RSPO2: variants seen among roughly 807,000 people sequenced by gnomAD.
The protein encoded by RSPO2 is R-spondin-2.
A neutral mutation model predicts 30.9 loss-of-function variants in RSPO2; 14 were observed. The observed-to-expected ratio is 0.45, with a 90% confidence interval of 0.30 to 0.71. The LOEUF is 0.71. Ranked by LOEUF, RSPO2 falls within the 30% of genes least tolerant of loss-of-function variation. RSPO2 has a pLI of 0.08. For synonymous variants in RSPO2, 107 were observed against 96.4 expected (o/e 1.11, Z -0.64); for missense variants, 264 against 301.9 (o/e 0.87, Z 0.93).
intron 5 of RSPO2, among the ~76,000 whole-genome samples, chr8:107,903,507 G>T (rs1376295564): frequency 6.6e-6 from 1 of 152,062 alleles, no homozygotes; most frequent in Admixed American, 6.6e-5. Flanking sequence ...AATATTAAAT[G>T]GTTTTGGGTT....
chr8:108,054,427 T>G (rs1812174672), intron 2 of RSPO2, among the ~76,000 whole-genome samples: 1 of 152,050 alleles, frequency 6.6e-6, no homozygotes, highest in Non-Finnish European at 1.5e-5. Context: ...AGTGAGAGAC[T>G]CTTCTACAGG....
chr8:107,994,518 G>A (rs1371142401), intron 2 of RSPO2, among the ~76,000 whole-genome samples: 1 of 151,718 alleles, frequency 6.6e-6, no homozygotes, highest in Non-Finnish European at 1.5e-5. Flanking sequence ...CATCTGATGG[G>A]GACAATCGTA....
intron 5 of RSPO2, among the ~76,000 whole-genome samples, chr8:107,943,145 A>C (rs1200923042): frequency 6.6e-6 from 1 of 152,252 alleles, no homozygotes; most frequent in Non-Finnish European, 1.5e-5. Context: ...CCCAACATTG[A>C]ACATTTCCTT....
intron 2 of RSPO2, among the ~76,000 whole-genome samples, chr8:107,993,286 G>A (rs543168200): frequency 6.6e-6 from 1 of 152,226 alleles, no homozygotes; most frequent in South Asian, 2.1e-4. Flanking sequence ...TACAAAAGAT[G>A]TAATATATGT....
chr8:108,037,114 C>T (rs1487155042), intron 2 of RSPO2, among the ~76,000 whole-genome samples: 1 of 152,080 alleles, frequency 6.6e-6, no homozygotes, highest in Admixed American at 6.5e-5. Flanking sequence ...AAATAAAAAA[C>T]TAGACGTGAT....
At chr8:107,982,480 A>AT (rs891117556) in intron 3 of RSPO2, among the ~76,000 whole-genome samples, 20 of 152,076 alleles carry the variant, frequency 1.3e-4, no homozygotes, top group African/African-American at 4.8e-4. Context: ...TTTCTTCATT[A>AT]TTTTTTGTCT....
chr8:108,034,711 C>T (rs1173645976), intron 2 of RSPO2, among the ~76,000 whole-genome samples: 1 of 152,120 alleles, frequency 6.6e-6, no homozygotes, highest in Non-Finnish European at 1.5e-5. Context: ...TGTGAGTCCA[C>T]AGTAGCATCA....
intron 2 of RSPO2, among the ~76,000 whole-genome samples, chr8:108,078,637 C>G (rs1317300460): frequency 1.3e-5 from 2 of 152,010 alleles, no homozygotes; most frequent in Non-Finnish European, 2.9e-5. Context: ...CCTCAGTTAC[C>G]AGAAACATGC....
chr8:108,004,210 G>A (rs1487254958), intron 2 of RSPO2, among the ~76,000 whole-genome samples: 1 of 152,194 alleles, frequency 6.6e-6, no homozygotes. Flanking sequence ...CTCTGGCAGA[G>A]GTTAAAGAGA....
chr8:108,077,385 C>T (rs1384654760), intron 2 of RSPO2, among the ~76,000 whole-genome samples: 8 of 152,040 alleles, frequency 5.3e-5, no homozygotes, highest in Admixed American at 3.9e-4. Context: ...ATAAGGGTGA[C>T]TGATCCAGAA....
chr8:108,028,062 G>A (rs1206252764), intron 2 of RSPO2, among the ~76,000 whole-genome samples: 1 of 152,118 alleles, frequency 6.6e-6, no homozygotes, highest in East Asian at 1.9e-4. Flanking sequence ...TTCTTAGGCT[G>A]ACGCTCAAGA....
chr8:108,016,134 C>T (rs1256725575), intron 2 of RSPO2, among the ~76,000 whole-genome samples: 1 of 152,116 alleles, frequency 6.6e-6, no homozygotes, highest in Non-Finnish European at 1.5e-5. Context: ...AGTAAGAATC[C>T]AGGACCATCC....
At chr8:107,954,875 C>T (rs1485018894) in intron 5 of RSPO2, among the ~76,000 whole-genome samples, 2 of 151,460 alleles carry the variant, frequency 1.3e-5, no homozygotes, top group African/African-American at 4.9e-5. Flanking sequence ...TCCCAAAATG[C>T]TGGGATTACA....
At chr8:107,902,974 C>T (rs972098251) in intron 5 of RSPO2, among the ~76,000 whole-genome samples, 4 of 151,934 alleles carry the variant, frequency 2.6e-5, no homozygotes, top group Admixed American at 2.0e-4. Context: ...TTAGTTCAAG[C>T]CATCATTAAT....
intron 3 of RSPO2, among the ~76,000 whole-genome samples, chr8:107,967,045 T>C (rs1459718739): frequency 6.6e-6 from 1 of 152,166 alleles, no homozygotes; most frequent in Non-Finnish European, 1.5e-5. Flanking sequence ...GTTCAGAATG[T>C]GGCAGTCAAT....
intron 5 of RSPO2, among the ~76,000 whole-genome samples, chr8:107,935,227 G>A (rs551893865): frequency 6.6e-6 from 1 of 152,244 alleles, no homozygotes; most frequent in African/African-American, 2.4e-5. Context: ...GGGAGTGTCT[G>A]TCTTATACAG....
rs542508568 is a variant in RSPO2 at position 108,079,674 on chromosome 8, T to C, written c.94+2871A>G. ...TCGGAGAATGCTCCACAGTGAAGGT[T>C]TGATTATTCGCAGATGGAATATGGA... On this transcript the variant is annotated intron_variant, in intron 2 of 5. Transcript: ENST00000276659. Among the ~76,000 whole-genome samples, 8 of 151,828 alleles carry C rather than the reference T, an allele frequency of 5.3e-5. No homozygotes were observed. The South Asian group carries it at 1.7e-3, about 32-fold the overall frequency.
At chr8:107,961,338 TGGA>T (rs1308173763) in intron 3 of RSPO2, among the ~76,000 whole-genome samples, 1 of 151,908 alleles carries the variant, frequency 6.6e-6, no homozygotes, top group African/African-American at 2.4e-5. Flanking sequence ...GGCATGGGGG[TGGA>T]AGTTTAGGTC....
At chr8:108,016,723 C>A (rs367816851) in intron 2 of RSPO2, among the ~76,000 whole-genome samples, 1 of 152,058 alleles carries the variant, frequency 6.6e-6, no homozygotes. Flanking sequence ...GCCTAGTGGG[C>A]GGTACAGATT....
Sources: allele counts gnomAD v4.1 joint callset (sites outside exome capture counted in the v4.1 genomes callset), GRCh38; gene constraint gnomAD v4.1.1; transcripts MANE v1.5; gene names NCBI Gene and HGNC (gene_info 2026-07-23, HGNC 2026-07-21).